The following SLC30A8 variants were observed in gnomAD, a reference collection of about 807,000 sequenced individuals.
The protein encoded by SLC30A8 is proton-coupled zinc antiporter SLC30A8.
SLC30A8 carries 27 observed loss-of-function variants against 36.9 expected under a neutral mutation model. That is an observed-to-expected ratio of 0.73 (90% confidence interval 0.54 to 1.01). The LOEUF (loss-of-function observed/expected upper bound fraction) is 1.01. Ranked by LOEUF, SLC30A8 falls within the 50% of genes least tolerant of loss-of-function variation. The pLI is 0.00. For missense variants in SLC30A8, 439 were observed against 452.0 expected (o/e 0.97, Z 0.26); for synonymous variants, 164 against 172.4 (o/e 0.95, Z 0.38).
At chr8:117,150,644 C>T (rs1025512818) in intron 2 of SLC30A8, among the ~76,000 whole-genome samples, 3 of 152,086 alleles carry the variant, frequency 2.0e-5, no homozygotes, top group Admixed American at 2.0e-4. Context: ...CTCGTTCTGT[C>T]ACCCAGGCTG....
chr8:117,035,519 G>A (rs1817184535), intron 1 of SLC30A8, among the ~76,000 whole-genome samples: 1 of 152,216 alleles, frequency 6.6e-6, no homozygotes, highest in African/African-American at 2.4e-5. Context: ...AGTGCCTGAA[G>A]CTTTTCCAGG....
At chr8:117,078,032 G>A (rs527939805) in intron 2 of SLC30A8, among the ~76,000 whole-genome samples, 1 of 152,290 alleles carries the variant, frequency 6.6e-6, no homozygotes, top group Non-Finnish European at 1.5e-5. Context: ...TTAGAGAAAT[G>A]TCAGGAATAC....
intron 2 of SLC30A8, among the ~76,000 whole-genome samples, chr8:117,084,853 T>C (rs1225822045): frequency 1.3e-5 from 2 of 152,186 alleles, no homozygotes; most frequent in Non-Finnish European, 2.9e-5. Context: ...ATTTTGACTC[T>C]ATTCCTTGCA....
intron 3 of SLC30A8, among the ~76,000 whole-genome samples, chr8:117,154,270 T>C (rs893343595): frequency 2.7e-5 from 4 of 146,652 alleles, no homozygotes; most frequent in African/African-American, 7.4e-5. Context: ...CCCCACACTC[T>C]GCAACTTCAA....
At chr8:117,054,724 G>C (rs1817815168) in intron 2 of SLC30A8, among the ~76,000 whole-genome samples, 1 of 151,338 alleles carries the variant, frequency 6.6e-6, no homozygotes, top group Non-Finnish European at 1.5e-5. Flanking sequence ...CCAGAAAAAT[G>C]ATAAAGGGTT....
At chr8:117,058,734 G>T (rs1019503348) in intron 2 of SLC30A8, among the ~76,000 whole-genome samples, 1 of 152,148 alleles carries the variant, frequency 6.6e-6, no homozygotes, top group Non-Finnish European at 1.5e-5. Context: ...AAAAATAGAA[G>T]AAGTTTCTGT....
chr8:117,071,580 T>G (rs915794897), intron 2 of SLC30A8, among the ~76,000 whole-genome samples: 4 of 152,198 alleles, frequency 2.6e-5, no homozygotes, highest in Non-Finnish European at 5.9e-5. Context: ...CTATTTTTTC[T>G]TTTGTTGCCT....
At position 117,146,942 on chromosome 8, in the gene SLC30A8, A is replaced by G. The variant is rs771801861; in HGVS notation, c.72-12A>G. The G allele has an allele frequency of 4.3e-6, 7 of 1,613,528 alleles. No individual in the cohort carries two copies. Among genetic ancestry groups the G allele is most frequent in the Non-Finnish European group, 5.9e-6 (7 of 1,179,810 alleles). On this transcript the variant is annotated splice_polypyrimidine_tract_variant and intron_variant, in intron 1 of 7. Transcript: ENST00000456015. ...TATGTTCACTTCTTGCTTCTGTCAAACTCATCCATAGTGTGGAACTCCAAC... is the reference window on the plus strand; with the variant it reads ...TATGTTCACTTCTTGCTTCTGTCAAGCTCATCCATAGTGTGGAACTCCAAC...
At chr8:117,121,824 C>T (rs142094258) in intron 2 of SLC30A8, among the ~76,000 whole-genome samples, 5 of 151,818 alleles carry the variant, frequency 3.3e-5, no homozygotes, top group African/African-American at 1.2e-4. Context: ...ATGATAGTTG[C>T]CGGGGATTGT....
At chr8:117,082,802 A>C (rs993421351) in intron 2 of SLC30A8, among the ~76,000 whole-genome samples, 1 of 152,166 alleles carries the variant, frequency 6.6e-6, no homozygotes, top group East Asian at 1.9e-4. Flanking sequence ...GAGCACCAGA[A>C]GAGAAAAAAA....
intron 2 of SLC30A8, chr8:117,147,434 GCATACTGAATGCTTTTGAC>G: frequency 2.8e-6 from 1 of 355,784 alleles, no homozygotes; most frequent in Non-Finnish European, 5.2e-6. Context: ...ATAACTGAGA[GCATACTGAATGCTTTTGAC>G]CATACTGTCA....
At chr8:117,097,885 T>G (rs1819508625) in intron 2 of SLC30A8, among the ~76,000 whole-genome samples, 1 of 93,742 alleles carries the variant, frequency 1.1e-5, no homozygotes, top group Non-Finnish European at 1.9e-5. Context: ...TAATTTTAAA[T>G]AAATATATAT....
At position 117,141,208 on chromosome 8, in the gene SLC30A8, G is replaced by A. The variant is rs187273009; in HGVS notation, c.72-5746G>A. Among the ~76,000 whole-genome samples the A allele has an allele frequency of 2.7e-3, 415 of 152,168 alleles. 1 individual carries two copies. Among genetic ancestry groups the A allele is most frequent in the South Asian group, 6.8e-3 (33 of 4,822 alleles). ...CAATATTCTGCTGATAGCAAAAAAG[G>A]AGGAAATATCACAGGAAAATAAAAC... On this transcript the variant is annotated intron_variant, in intron 1 of 7. Transcript: ENST00000456015.
chr8:117,120,024 T>G (rs186459270), intron 2 of SLC30A8, among the ~76,000 whole-genome samples: 46 of 152,014 alleles, frequency 3.0e-4, no homozygotes, highest in Non-Finnish European at 4.0e-4. Flanking sequence ...AGACTTAATA[T>G]TGTTCAAATG....
chr8:117,111,552 A>G (rs957793278), intron 2 of SLC30A8, among the ~76,000 whole-genome samples: 13 of 152,264 alleles, frequency 8.5e-5, no homozygotes, highest in South Asian at 6.2e-4. Flanking sequence ...TTAGAACACC[A>G]TGTTCCCTGA....
At chr8:117,090,349 C>G (rs1209825542) in intron 2 of SLC30A8, among the ~76,000 whole-genome samples, 1 of 149,494 alleles carries the variant, frequency 6.7e-6, no homozygotes, top group Admixed American at 6.6e-5. Flanking sequence ...TGTGCATTTA[C>G]TAAATATTTA....
At chr8:117,109,051 G>A (rs1820116155) in intron 2 of SLC30A8, among the ~76,000 whole-genome samples, 1 of 152,110 alleles carries the variant, frequency 6.6e-6, no homozygotes, top group African/African-American at 2.4e-5. Context: ...GAAAAAGAAG[G>A]CGTCTTGACT....
At chr8:117,042,955 C>T (rs1056770722) in intron 2 of SLC30A8, among the ~76,000 whole-genome samples, 2 of 152,178 alleles carry the variant, frequency 1.3e-5, no homozygotes, top group African/African-American at 2.4e-5. Context: ...GGATTACAGG[C>T]GTGAGCCACC....
At chr8:116,974,570 C>A (rs553987075) in intron 1 of SLC30A8, among the ~76,000 whole-genome samples, 1 of 152,166 alleles carries the variant, frequency 6.6e-6, no homozygotes, top group Non-Finnish European at 1.5e-5. Context: ...GAAATAGGAA[C>A]ATTTTTACAC....
Sources: gnomAD v4.1 joint callset for allele counts (sites outside exome capture counted in the v4.1 genomes callset) on GRCh38, gnomAD v4.1.1 for gene constraint, MANE v1.5 for transcripts, NCBI Gene and HGNC (gene_info 2026-07-23, HGNC 2026-07-21) for gene names.